TJP1: variants seen among roughly 807,000 people sequenced by gnomAD.
TJP1 encodes tight junction protein ZO-1.
TJP1 carries 43 observed loss-of-function variants against 194.2 expected under a neutral mutation model. The observed-to-expected ratio is 0.22, with a 90% CI of 0.17 to 0.29. The LOEUF (loss-of-function observed/expected upper bound fraction) is 0.29, where lower values mean the gene tolerates loss of function less well. Ranked by LOEUF, TJP1 falls within the 10% of genes least tolerant of loss-of-function variation. TJP1 has a pLI of 1.00. For synonymous variants in TJP1, 801 were observed against 779.0 expected, an observed-to-expected ratio of 1.03 and a Z score of -0.47; for missense variants, 1,971 against 2,185.7, an observed-to-expected ratio of 0.90 and a Z score of 1.96.
At chr15:29,968,552 T>A in intron 1 of TJP1, 1 of 781,756 alleles carries the variant, frequency 1.3e-6, no homozygotes, top group Non-Finnish European at 1.5e-6. Flanking sequence ...GGCCCGACAG[T>A]CGCGGCCTCG....
intron 2 of TJP1, among the ~76,000 whole-genome samples, chr15:29,843,641 A>G (rs2051308130): frequency 6.6e-6 from 1 of 152,240 alleles, no homozygotes; most frequent in South Asian, 2.1e-4. Flanking sequence ...ATTGTACTAG[A>G]AAAACACAGA....
intron 2 of TJP1, 32 bp from the exon 3 acceptor site, chr15:29,773,389 T>C: frequency 5.0e-6 from 8 of 1,606,592 alleles, no homozygotes; most frequent in Non-Finnish European, 6.8e-6. Context: ...AATATTGCTA[T>C]TAAGGACAAA....
chr15:29,896,963 G>A (rs1013048876), intron 2 of TJP1, among the ~76,000 whole-genome samples: 2 of 152,102 alleles, frequency 1.3e-5, no homozygotes, highest in African/African-American at 4.8e-5. Context: ...TTTGCAGCCT[G>A]ACAATGCAAT....
chr15:29,951,130 A>T (rs2055734709), intron 2 of TJP1, among the ~76,000 whole-genome samples: 1 of 152,152 alleles, frequency 6.6e-6, no homozygotes, highest in South Asian at 2.1e-4. Flanking sequence ...TCACAGGGTT[A>T]CAGATATTTC....
At chr15:29,852,675 G>T (rs748716703) in intron 2 of TJP1, among the ~76,000 whole-genome samples, 1 of 152,144 alleles carries the variant, frequency 6.6e-6, no homozygotes, top group Non-Finnish European at 1.5e-5. Context: ...TTGGGAGGCC[G>T]AGGTGGGCGG....
At chr15:29,774,931 T>C (rs1005017855) in intron 2 of TJP1, among the ~76,000 whole-genome samples, 23 of 151,914 alleles carry the variant, frequency 1.5e-4, no homozygotes, top group African/African-American at 4.8e-4. Context: ...CTCGGTTTCA[T>C]GTTCTTTGCT....
intron 2 of TJP1, among the ~76,000 whole-genome samples, chr15:29,873,773 A>C (rs1596155377): frequency 6.6e-6 from 1 of 152,196 alleles, no homozygotes; most frequent in East Asian, 1.9e-4. Context: ...TGAGAGCTGG[A>C]GAACTGTCAA....
chr15:29,732,404 T>A (rs1206693462), intron 15 of TJP1, 29 bp downstream of exon 15: 1 of 1,593,480 alleles, frequency 6.3e-7, no homozygotes, highest in Non-Finnish European at 8.6e-7. Context: ...ACTCCCAACC[T>A]CATTTAAGTT....
At position 29,917,695 on chromosome 15, in the gene TJP1, C is replaced by T. The variant is rs528252667; in HGVS notation, c.306+38537G>A. ...TGAATGAATGCCAGCATATGCAACA[C>T]TTGGATCCCCAGATCCTGCACAGAC... is the stretch of plus-strand genomic sequence containing the variant. On this transcript the variant is annotated intron_variant, in intron 2 of 28. Coordinates refer to the TJP1 transcript ENST00000356107. Among the ~76,000 whole-genome samples the T allele has an allele frequency of 1.1e-4, 16 of 152,256 alleles. No individual in the cohort carries two copies. In the East Asian group the frequency reaches 1.2e-3, roughly 11 times the overall value.
chr15:29,738,853 C>T (rs1369941145), intron 10 of TJP1, among the ~76,000 whole-genome samples: 1 of 132,036 alleles, frequency 7.6e-6, no homozygotes, highest in Non-Finnish European at 1.6e-5. Context: ...CACAGCAAGA[C>T]CCTGTCACTA....
chr15:29,946,964 C>T (rs1352120446), intron 2 of TJP1, among the ~76,000 whole-genome samples: 1 of 152,166 alleles, frequency 6.6e-6, no homozygotes, highest in African/African-American at 2.4e-5. Flanking sequence ...ATAAGTCTAA[C>T]TAAAAATGCT....
intron 2 of TJP1, among the ~76,000 whole-genome samples, chr15:29,848,453 C>T (rs1403664988): frequency 6.6e-6 from 1 of 152,168 alleles, no homozygotes; most frequent in East Asian, 1.9e-4. Context: ...TCTTAAAATG[C>T]TGAAAACTCT....
chr15:29,883,462 T>C (rs1280560976), intron 2 of TJP1, among the ~76,000 whole-genome samples: 3 of 152,246 alleles, frequency 2.0e-5, no homozygotes, highest in Non-Finnish European at 4.4e-5. Context: ...TTCTGTATCA[T>C]GACTGAGGCA....
chr15:29,808,463 C>T (rs1430446904), intron 1 of TJP1, among the ~76,000 whole-genome samples: 1 of 152,044 alleles, frequency 6.6e-6, no homozygotes, highest in Non-Finnish European at 1.5e-5. Context: ...CTGTGTACAC[C>T]TATGATTTGC....
At chr15:29,848,120 A>C (rs2051488674) in intron 2 of TJP1, among the ~76,000 whole-genome samples, 1 of 152,088 alleles carries the variant, frequency 6.6e-6, no homozygotes, top group African/African-American at 2.4e-5. Flanking sequence ...TTTATGACCC[A>C]AGATATGATC....
chr15:29,721,715 T>C (rs1476853056), intron 18 of TJP1, among the ~76,000 whole-genome samples: 1 of 152,184 alleles, frequency 6.6e-6, no homozygotes, highest in African/African-American at 2.4e-5. Flanking sequence ...AGTTTGGAAT[T>C]TCCTAGAGAC....
At chr15:29,953,140 A>AT (rs71416442) in intron 2 of TJP1, among the ~76,000 whole-genome samples, 6,385 of 110,918 alleles carry the variant, frequency 0.058, 690 homozygotes, top group African/African-American at 0.18. Context: ...AAGAAGACAG[A>AT]TTTTTTTTTT....
At position 29,701,014 on chromosome 15, in the gene TJP1, T is replaced by C. The variant is rs2041508758; in HGVS notation, c.*581A>G. Reference sequence around the variant, plus strand: ...GCCATGGAACCAGTCTCACATGCTTTTGTATCCTTCCCTAAGAAAAATGTG... The same window carrying C: ...GCCATGGAACCAGTCTCACATGCTTCTGTATCCTTCCCTAAGAAAAATGTG... On this transcript the variant is annotated 3_prime_UTR_variant, in exon 28 of 28. Transcript: ENST00000614355. The C allele has an allele frequency of 6.5e-6, 1 of 153,112 alleles. No individual in the cohort carries two copies. Among genetic ancestry groups the C allele is most frequent in the South Asian group, 2.1e-4 (1 of 4,836 alleles). 9.5% of individuals were successfully genotyped at this position (153,112 alleles called of 1,614,324 possible). A position where few individuals can be genotyped will look rare whatever the true frequency, so the allele number is the denominator to read the frequency against.
intron 5 of TJP1, among the ~76,000 whole-genome samples, chr15:29,763,943 T>A (rs2046171224): frequency 6.6e-6 from 1 of 152,086 alleles, no homozygotes; most frequent in Admixed American, 6.5e-5. Context: ...AGGGTATTGG[T>A]TAAAAGACTG....
Sources: allele counts gnomAD v4.1 joint callset (sites outside exome capture counted in the v4.1 genomes callset), GRCh38; gene constraint gnomAD v4.1.1; transcripts MANE v1.5; gene names NCBI Gene and HGNC (gene_info 2026-07-23, HGNC 2026-07-21).